Variants in NEFH observed in about 807,000 individuals in gnomAD.
NEFH encodes neurofilament heavy chain.
NEFH carries 58 observed loss-of-function variants against 56.6 expected under a neutral mutation model. That is an observed-to-expected ratio of 1.03 (90% CI 0.83 to 1.28). NEFH has a LOEUF of 1.28. NEFH is among the 50% of genes most tolerant of loss of function. The probability of loss-of-function intolerance (pLI) is 0.00; values close to 1 mark genes in which losing one functional copy is unlikely to be tolerated. For missense variants in NEFH, 1,221 were observed against 1,307.6 expected (o/e 0.93, Z 1.02); for synonymous variants, 542 against 545.8 (o/e 0.99, Z 0.10).
chr22:29,488,666 G>T (rs1417279999), intron 3 of NEFH, among the ~76,000 whole-genome samples, 183 bp from the exon 4 acceptor site: 10 of 152,066 alleles, frequency 6.6e-5, no homozygotes, highest in Admixed American at 4.6e-4. Context: ...ACACATTCTG[G>T]GTGGTCACTG....
Position 29,480,730 on chromosome 22 carries a change from G to A in NEFH, c.468G>A (p.Ala156=), listed in dbSNP as rs1379466538. Residue 156 remains alanine (A), a synonymous_variant, in exon 1 of 4, where the codon GCG becomes GCA. Transcript: ENST00000310624. ...YEREVREMRG[A]VLRLGAARGQ... The stretch of plus-strand genomic sequence containing the variant: ...GCGAGGTCCGCGAGATGCGCGGCGC[G>A]GTGCTGCGCCTGGGCGCGGCGCGCG... 3 of 1,473,644 alleles carry A rather than the reference G, an allele frequency of 2.0e-6. No homozygotes were observed. Among genetic ancestry groups the A allele is most frequent in the Non-Finnish European group, 2.7e-6 (3 of 1,123,176 alleles). The allele number at this position is 1,473,644 out of a possible 1,614,324, so 91.3% of individuals were successfully genotyped here.
At chr22:29,486,207 T>C (rs2063043456) in intron 3 of NEFH, among the ~76,000 whole-genome samples, 1 of 150,700 alleles carries the variant, frequency 6.6e-6, no homozygotes, top group Admixed American at 6.6e-5. Flanking sequence ...TTTTTTTTAG[T>C]AGAAACAGGG....
chr22:29,484,367 T>A (rs972836908), intron 2 of NEFH, among the ~76,000 whole-genome samples: 3 of 152,090 alleles, frequency 2.0e-5, no homozygotes, highest in Admixed American at 1.3e-4. Context: ...CGGCTGGGCC[T>A]AGTGGCTCAT....
Position 29,489,218 on chromosome 22 carries a change from A to T in NEFH, c.1578A>T (p.Ser526=). ...CACCAGTAAAGGAAGAGGCAAAGTC[A>T]CCGGCTGAGGCCAAGTCCCCAGAGA... The part of the protein sequence containing the change: ...AKSPVKEEAK[S]PAEAKSPEKE... The change falls in exon 4 of 4, where the codon TCA becomes TCT. Residue 526 remains serine, a synonymous_variant. Transcript: ENST00000310624. 1.2e-6 allele frequency: 2 copies of T among 1,614,202 alleles called. No homozygotes were observed.
At chr22:29,484,198 C>T (rs959441263) in intron 2 of NEFH, among the ~76,000 whole-genome samples, 14 of 152,230 alleles carry the variant, frequency 9.2e-5, no homozygotes, top group Non-Finnish European at 1.3e-4. Context: ...TGAATGAGCT[C>T]GGCAAGGTCT....
At chr22:29,488,807 G>A (rs1195264977) in intron 3 of NEFH, 42 bp from the exon 4 acceptor site, 1 of 1,594,954 alleles carries the variant, frequency 6.3e-7, no homozygotes, top group Non-Finnish European at 8.6e-7. Flanking sequence ...TAGTGAATTT[G>A]CCCTGAGTTT....
intron 1 of NEFH, among the ~76,000 whole-genome samples, chr22:29,482,816 G>C (rs1003629350): frequency 6.6e-6 from 1 of 152,208 alleles, no homozygotes; most frequent in Non-Finnish European, 1.5e-5. Context: ...ATCCCACACT[G>C]GGGGAGACAG....
chr22:29,484,149 C>T (rs2063030162), intron 2 of NEFH, among the ~76,000 whole-genome samples: 1 of 152,098 alleles, frequency 6.6e-6, no homozygotes, highest in Non-Finnish European at 1.5e-5. Flanking sequence ...CGTGCCTGGC[C>T]TAAAGAGATA....
chr22:29,481,120 G>C lies in NEFH; in HGVS notation c.858G>C (p.Thr286=), dbSNP rs1477253596. 2 of 1,531,002 alleles carry C rather than the reference G, an allele frequency of 1.3e-6. No individual in the cohort carries two copies. Among genetic ancestry groups the C allele is most frequent in the Non-Finnish European group, 1.7e-6 (2 of 1,145,298 alleles). 94.8% of individuals were successfully genotyped at this position (1,531,002 alleles called of 1,614,324 possible). ...AQLEGHAVQS[T]LQSEEWFRVR... ...TTGAAGGCCACGCGGTGCAGAGCAC[G>C]CTGCAGTCCGAGGAGTGGTTCCGAG... Residue 286 remains threonine (T), a synonymous_variant, in exon 1 of 4, where the codon ACG becomes ACC. Coordinates refer to ENST00000310624, the MANE Select transcript of NEFH (RefSeq NM_021076.4).
chr22:29,488,757 G>A (rs1240137550), intron 3 of NEFH, 92 bp from the exon 4 acceptor site: 2 of 1,183,956 alleles, frequency 1.7e-6, no homozygotes, highest in South Asian at 2.5e-5. Context: ...CATATCATTC[G>A]ATGTCAGTGA....
chr22:29,480,296 G>T lies in NEFH; in HGVS notation c.34G>T (p.Gly12Cys). ...MSFGGADALLGAPFAPLHGGG... is the reference protein window; with the variant it reads ...MSFGGADALLCAPFAPLHGGG... Reference sequence around the variant, plus strand: ...CTTCGGCGGCGCGGACGCGCTGCTGGGCGCCCCGTTCGCGCCGCTGCATGG... The same window carrying T: ...CTTCGGCGGCGCGGACGCGCTGCTGTGCGCCCCGTTCGCGCCGCTGCATGG... Residue 12 changes from glycine to cysteine, a missense_variant, in exon 1 of 4, where the codon GGC (glycine) becomes TGC (cysteine). By Grantham distance (159) the Gly-to-Cys change is radical. Transcript: ENST00000310624. 1 of 1,507,884 alleles carries T rather than the reference G, an allele frequency of 6.6e-7. No individual in the cohort carries two copies. The allele number at this position is 1,507,884 out of a possible 1,614,324, so 93.4% of individuals were successfully genotyped here. A position where few individuals can be genotyped will look rare whatever the true frequency, so the allele number is the denominator to read the frequency against.
Position 29,480,589 on chromosome 22 carries a change from C to T in NEFH, c.327C>T (p.Ala109=), listed in dbSNP as rs758669150. The T allele has an allele frequency of 6.4e-7, 1 of 1,559,230 alleles. No homozygotes were observed. The highest frequency in any genetic ancestry group is 8.6e-7 in the Non-Finnish European group (1 of 1,161,350). ...EQLQALNDRF[A]GYIDKVRQLE... Reference sequence around the variant, plus strand: ...TGCAGGCGCTGAACGACCGCTTCGCCGGGTACATCGACAAGGTGCGGCAGC... The same window carrying T: ...TGCAGGCGCTGAACGACCGCTTCGCTGGGTACATCGACAAGGTGCGGCAGC... The change falls in exon 1 of 4, where the codon GCC becomes GCT. Residue 109 remains alanine, a synonymous_variant. Coordinates refer to ENST00000310624, the MANE Select transcript of NEFH (RefSeq NM_021076.4).
Position 29,480,578 on chromosome 22 carries a change from G to A in NEFH, c.316G>A (p.Asp106Asn). The A allele has an allele frequency of 1.3e-6, 2 of 1,552,960 alleles. No individual in the cohort carries two copies. Among genetic ancestry groups the A allele is most frequent in the Non-Finnish European group, 1.7e-6 (2 of 1,157,706 alleles). ...GAAGGAGCAGCTGCAGGCGCTGAAC[G>A]ACCGCTTCGCCGGGTACATCGACAA... Reference protein sequence around the residue: ...SEKEQLQALNDRFAGYIDKVR... With the variant: ...SEKEQLQALNNRFAGYIDKVR... The change falls in exon 1 of 4, where the codon GAC becomes AAC. Residue 106 changes from aspartate to asparagine, a missense_variant. By Grantham distance (23) the Asp-to-Asn change is conservative (BLOSUM62 1). Around this residue, in one of 4 missense-constraint regions of NEFH, gnomAD observed 640 missense variants for 555.5 expected, o/e 1.15. Transcript: ENST00000310624.
chr22:29,486,383 C>T (rs2063044283), intron 3 of NEFH, among the ~76,000 whole-genome samples: 1 of 152,036 alleles, frequency 6.6e-6, no homozygotes. Flanking sequence ...CATTACTGTG[C>T]AGCCATAACC....
intron 2 of NEFH, among the ~76,000 whole-genome samples, chr22:29,485,366 G>A (rs1198207762): frequency 6.6e-6 from 1 of 152,190 alleles, no homozygotes; most frequent in Non-Finnish European, 1.5e-5. Flanking sequence ...GCTTCCCAAA[G>A]TGTTGGGAAT....
Position 29,489,345 on chromosome 22 carries a change from A to G in NEFH, c.1705A>G (p.Lys569Glu). Residue 569 changes from lysine to glutamate, a missense_variant, in exon 4 of 4, where the codon AAG becomes GAG. This residue lies in a region of NEFH where 243 missense variants were observed against 299.1 expected (regional missense o/e 0.81). Coordinates refer to ENST00000310624, the MANE Select transcript of NEFH (RefSeq NM_021076.4). ...KSPPEAKSPE[K>E]EEAKSPAEVK... ...ACCGCCTGAGGCCAAGTCCCCAGAG[A>G]AGGAGGAAGCAAAATCTCCAGCTGA... The G allele has an allele frequency of 4.3e-6, 7 of 1,612,798 alleles. No homozygotes were observed. Among genetic ancestry groups the G allele is most frequent in the Non-Finnish European group, 5.9e-6 (7 of 1,179,180 alleles).
At chr22:29,482,640 G>A (rs990302434) in intron 1 of NEFH, among the ~76,000 whole-genome samples, 1 of 152,206 alleles carries the variant, frequency 6.6e-6, no homozygotes, top group Non-Finnish European at 1.5e-5. Context: ...CCTCCTAAAG[G>A]TCACAAGCTC....
In NEFH at chr22:29,491,079, A is replaced by C; in HGVS notation, c.*376A>C. The C allele has an allele frequency of 2.7e-6, 1 of 370,388 alleles. No individual in the cohort carries two copies. The highest frequency in any genetic ancestry group is 2.2e-5 in the South Asian group (1 of 45,908). The allele number at this position is 370,388 out of a possible 1,614,324, so 22.9% of individuals were successfully genotyped here. On this transcript the variant is annotated 3_prime_UTR_variant, in exon 4 of 4. Transcript: ENST00000310624. ...CCGCAATAATGAATGAGCAGTTAGA[A>C]ATACATTATGCTTGAGATGTCTTAA...
chr22:29,488,142 C>T (rs528754360), intron 3 of NEFH, among the ~76,000 whole-genome samples: 4 of 152,152 alleles, frequency 2.6e-5, no homozygotes, highest in Non-Finnish European at 4.4e-5. Context: ...GCGGGTGGAT[C>T]GGCTGAGGTC....
Sources: allele counts gnomAD v4.1 joint callset (sites outside exome capture counted in the v4.1 genomes callset), GRCh38; gene constraint gnomAD v4.1.1; regional missense constraint gnomAD v4.1.1; transcripts MANE v1.5; gene names NCBI Gene and HGNC (gene_info 2026-07-23, HGNC 2026-07-21).